The following FGF14 variants were observed in gnomAD, a reference collection of about 807,000 sequenced individuals.
FGF14 encodes fibroblast growth factor 14.
Under a neutral mutation model 25.5 loss-of-function variants are expected in FGF14, and 5 were observed. The observed-to-expected ratio is 0.20, with a 90% confidence interval of 0.10 to 0.41. FGF14 has a LOEUF of 0.41. Ranked by LOEUF, FGF14 falls within the 10% of genes least tolerant of loss-of-function variation. FGF14 has a pLI of 1.00. For synonymous variants in FGF14, 138 were observed against 118.3 expected, an observed-to-expected ratio of 1.17 and a Z score of -1.08; for missense variants, 222 against 320.1, an observed-to-expected ratio of 0.69 and a Z score of 2.34.
chr13:102,110,793 C>T (rs182380228), intron 1 of FGF14, among the ~76,000 whole-genome samples: 123 of 152,228 alleles, frequency 8.1e-4, no homozygotes, highest in South Asian at 1.7e-3. Flanking sequence ...TTCATTTATT[C>T]GCTGGCTCAG....
intron 1 of FGF14, among the ~76,000 whole-genome samples, chr13:102,115,612 C>T (rs1320912993): frequency 3.9e-5 from 6 of 151,922 alleles, no homozygotes; most frequent in African/African-American, 7.3e-5. Context: ...CTATGGATTC[C>T]GGACAGGAGC....
chr13:101,845,637 T>G (rs540161536), intron 3 of FGF14, among the ~76,000 whole-genome samples: 29 of 151,918 alleles, frequency 1.9e-4, no homozygotes, highest in Admixed American at 4.6e-4. Flanking sequence ...GATAAAAGGG[T>G]AGTCAGGAGA....
At chr13:101,812,362 T>TA (rs1337374181) in intron 3 of FGF14, among the ~76,000 whole-genome samples, 139 of 152,040 alleles carry the variant, frequency 9.1e-4, no homozygotes, top group African/African-American at 2.8e-3. Flanking sequence ...AAATAATACA[T>TA]CTTCATGTTC....
chr13:102,300,363 T>C (rs2054966873), intron 1 of FGF14: 1 of 151,142 alleles, frequency 6.6e-6, no homozygotes, highest in South Asian at 2.1e-4. Flanking sequence ...GCCTCGAGAA[T>C]CTCACCTAAT....
intron 1 of FGF14, among the ~76,000 whole-genome samples, chr13:101,955,554 A>C (rs923161497): frequency 6.6e-6 from 1 of 152,228 alleles, no homozygotes; most frequent in African/African-American, 2.4e-5. Context: ...TATAAAATGC[A>C]TAGGTAGGTA....
chr13:101,928,350 C>T (rs2034514016), intron 1 of FGF14, among the ~76,000 whole-genome samples: 1 of 151,928 alleles, frequency 6.6e-6, no homozygotes, highest in Non-Finnish European at 1.5e-5. Context: ...ACTAATACAA[C>T]TTGAATTTTT....
intron 1 of FGF14, among the ~76,000 whole-genome samples, chr13:102,230,658 T>C (rs941737706): frequency 1.3e-5 from 2 of 152,178 alleles, no homozygotes; most frequent in Non-Finnish European, 2.9e-5. Context: ...TTTGCTAATA[T>C]GTCTATTAGT....
intron 1 of FGF14, among the ~76,000 whole-genome samples, chr13:102,337,321 G>A (rs1311392238): frequency 6.6e-6 from 1 of 152,162 alleles, no homozygotes; most frequent in Non-Finnish European, 1.5e-5. Flanking sequence ...CTTCAGTGAA[G>A]GAAGTAACTA....
At chr13:102,162,716 A>G (rs575008977) in intron 1 of FGF14, among the ~76,000 whole-genome samples, 68 of 152,332 alleles carry the variant, frequency 4.5e-4, no homozygotes, top group African/African-American at 1.6e-3. Context: ...TAGAGACAGT[A>G]AGCTACACAA....
intron 3 of FGF14, among the ~76,000 whole-genome samples, chr13:101,735,539 T>C (rs1002296367): frequency 2.6e-5 from 4 of 152,078 alleles, no homozygotes; most frequent in African/African-American, 9.7e-5. Context: ...AATTTATAGG[T>C]ACTCAAAATG....
rs554059054 is a variant in FGF14, at chr13:101,845,356, G to A, written c.408+23369C>T. On this transcript the variant is annotated intron_variant, in intron 3 of 4. Transcript: ENST00000376143. ...CAGTTCTGATCTGATATGAAAACTCGGGGAGCAATTCCTCTAATTATAACA... is the reference window on the plus strand; with the variant it reads ...CAGTTCTGATCTGATATGAAAACTCAGGGAGCAATTCCTCTAATTATAACA... 3.3e-5 allele frequency among the ~76,000 whole-genome samples: 5 copies of A among 151,948 alleles called. No homozygotes were observed. In the South Asian group the frequency reaches 6.2e-4, roughly 19 times the overall value.
At chr13:102,139,872 G>A (rs760450638) in intron 1 of FGF14, among the ~76,000 whole-genome samples, 1 of 152,100 alleles carries the variant, frequency 6.6e-6, no homozygotes, top group Non-Finnish European at 1.5e-5. Flanking sequence ...ACCAAGCCAG[G>A]GCAGGAACGG....
intron 1 of FGF14, among the ~76,000 whole-genome samples, chr13:102,161,628 GAAGAAGAA>G (rs1566764707): frequency 2.4e-3 from 15 of 6,238 alleles, no homozygotes; most frequent in Non-Finnish European, 3.2e-3. Flanking sequence ...AGAAGAAGAA[GAAGAAGAA>G]GAAGAAGAAG....
chr13:102,124,775 CTT>C (rs1254366478), intron 1 of FGF14, among the ~76,000 whole-genome samples: 4 of 152,196 alleles, frequency 2.6e-5, no homozygotes, highest in Admixed American at 6.5e-5. Context: ...CCTATTTACT[CTT>C]GTTTCATCTT....
At chr13:102,317,475 A>C (rs2056076246) in intron 1 of FGF14, among the ~76,000 whole-genome samples, 1 of 152,208 alleles carries the variant, frequency 6.6e-6, no homozygotes, top group African/African-American at 2.4e-5. Flanking sequence ...AGAATGTTTC[A>C]TCCTTTCTCC....
At chr13:101,968,616 T>A (rs532701469) in intron 1 of FGF14, among the ~76,000 whole-genome samples, 6 of 139,422 alleles carry the variant, frequency 4.3e-5, no homozygotes, top group Non-Finnish European at 6.0e-5. Flanking sequence ...GAGCTTGCAG[T>A]GAGCTGAGAT....
chr13:101,900,815 A>G (rs543350614), intron 1 of FGF14, among the ~76,000 whole-genome samples: 1 of 152,282 alleles, frequency 6.6e-6, no homozygotes, highest in Non-Finnish European at 1.5e-5. Context: ...GACTTCTTTT[A>G]ATGTGCATGT....
intron 1 of FGF14, among the ~76,000 whole-genome samples, chr13:101,980,953 C>A (rs983318877): frequency 6.6e-6 from 1 of 152,020 alleles, no homozygotes; most frequent in Non-Finnish European, 1.5e-5. Context: ...ATAAAAGAGG[C>A]CCCAGGGGCT....
At chr13:102,083,486 T>G (rs1158528870) in intron 1 of FGF14, among the ~76,000 whole-genome samples, 1 of 152,184 alleles carries the variant, frequency 6.6e-6, no homozygotes, top group African/African-American at 2.4e-5. Flanking sequence ...TGGTATAGCA[T>G]TAAATGACAG....
Sources: gnomAD v4.1 joint callset for allele counts (sites outside exome capture counted in the v4.1 genomes callset) on GRCh38, gnomAD v4.1.1 for gene constraint, MANE v1.5 for transcripts, NCBI Gene and HGNC (gene_info 2026-07-23, HGNC 2026-07-21) for gene names.